DIP2C: variants seen among roughly 807,000 people sequenced by gnomAD.
DIP2C encodes disco-interacting protein 2 homolog C.
DIP2C carries 33 observed loss-of-function variants against 192.4 expected under a neutral mutation model. The ratio of observed to expected loss-of-function variants is 0.17; its 90% CI spans 0.13 to 0.23. The LOEUF (loss-of-function observed/expected upper bound fraction) is 0.23. Among genes scored for constraint, DIP2C ranks in the 10% least tolerant of loss-of-function variants. The pLI is 1.00. For missense variants in DIP2C, 1,537 were observed against 2,110.1 expected, an observed-to-expected ratio of 0.73 and a Z score of 5.32; for synonymous variants, 979 against 864.1, an observed-to-expected ratio of 1.13 and a Z score of -2.33.
chr10:611,836 A>G (rs1853119888), intron 1 of DIP2C, among the ~76,000 whole-genome samples: 1 of 152,166 alleles, frequency 6.6e-6, no homozygotes, highest in African/African-American at 2.4e-5. Context: ...AAATGCAAAT[A>G]TCCCCACGAC....
At chr10:655,515 T>C (rs1325854948) in intron 1 of DIP2C, among the ~76,000 whole-genome samples, 1 of 152,180 alleles carries the variant, frequency 6.6e-6, no homozygotes. Flanking sequence ...CACTGTCCTC[T>C]CTGTTCTGTG....
chr10:338,841 C>T (rs1036043351), intron 29 of DIP2C, among the ~76,000 whole-genome samples: 23 of 149,492 alleles, frequency 1.5e-4, no homozygotes, highest in Non-Finnish European at 2.1e-4. Context: ...GCACGCTGCA[C>T]GCTGCACCCT....
At chr10:585,246 A>G (rs1850946791) in intron 1 of DIP2C, among the ~76,000 whole-genome samples, 1 of 152,038 alleles carries the variant, frequency 6.6e-6, no homozygotes, top group African/African-American at 2.4e-5. Flanking sequence ...TCCCCATCCC[A>G]CGCCACCCTG....
At chr10:390,210 C>A (rs185265016) in intron 12 of DIP2C, 54 bp downstream of exon 12, 3 of 1,597,044 alleles carry the variant, frequency 1.9e-6, no homozygotes, top group African/African-American at 1.3e-5. Flanking sequence ...CAGAAACACA[C>A]GTTAGTGCCA....
At chr10:286,068 A>G (rs547511248) in intron 34 of DIP2C, among the ~76,000 whole-genome samples, 12 of 152,338 alleles carry the variant, frequency 7.9e-5, no homozygotes, top group Admixed American at 3.9e-4. Context: ...TTCCCTAAGG[A>G]AGTGCCATTT....
intron 1 of DIP2C, among the ~76,000 whole-genome samples, chr10:604,873 T>A (rs1163801870): frequency 6.6e-6 from 1 of 152,228 alleles, no homozygotes; most frequent in East Asian, 1.9e-4. Context: ...ATTTCCACTC[T>A]GACCTCGGCT....
chr10:552,552 A>G (rs1489803806), intron 1 of DIP2C, among the ~76,000 whole-genome samples: 1 of 152,254 alleles, frequency 6.6e-6, no homozygotes, highest in East Asian at 1.9e-4. Flanking sequence ...GTAGCTTTCA[A>G]AAAGTGACAA....
chr10:606,061 A>G lies in DIP2C; in HGVS notation c.85+83433T>C, dbSNP rs955883629. Among the ~76,000 whole-genome samples, 5 of 151,964 alleles carry G rather than the reference A, an allele frequency of 3.3e-5. No homozygotes were observed. The South Asian group carries it at 1.0e-3, about 32-fold the overall frequency. On this transcript the variant is annotated intron_variant, in intron 1 of 36. Coordinates refer to ENST00000280886, the MANE Select transcript of DIP2C (RefSeq NM_014974.3). ...GACTGTGCAAGTCTTCCTGGCGAGA[A>G]CCCCCGGAGCCTGCGCAGCGTGGAG... is the stretch of plus-strand genomic sequence containing the variant.
chr10:623,377 C>A (rs1853992316), intron 1 of DIP2C, among the ~76,000 whole-genome samples: 2 of 151,366 alleles, frequency 1.3e-5, no homozygotes, highest in Middle Eastern at 3.4e-3. Flanking sequence ...GGAATGGGCA[C>A]AGGCGTCTCC....
At chr10:454,355 A>T (rs1969106437) in intron 3 of DIP2C, among the ~76,000 whole-genome samples, 1 of 152,178 alleles carries the variant, frequency 6.6e-6, no homozygotes. Context: ...TAAAGTACTA[A>T]AAAGGGATAA....
At chr10:437,114 T>G (rs1967314684) in intron 4 of DIP2C, among the ~76,000 whole-genome samples, 1 of 118,136 alleles carries the variant, frequency 8.5e-6, no homozygotes, top group Admixed American at 8.7e-5. Context: ...CATGGTAGGG[T>G]GATATGCTCC....
intron 1 of DIP2C, among the ~76,000 whole-genome samples, chr10:590,697 TTTACA>T (rs1851349580): frequency 6.6e-6 from 1 of 152,198 alleles, no homozygotes; most frequent in Admixed American, 6.5e-5. Context: ...GGGTTTTTAC[TTTACA>T]TATCTTCACT....
Position 305,440 on chromosome 10 carries a change from T to C in DIP2C, c.3986+4591A>G, listed in dbSNP as rs1589434783. ...TTCTGCTGCTAAGTCTCAAGTTTAC[T>C]GATGTACTTCTATTCTGTGGCCCCT... On this transcript the variant is annotated intron_variant, in intron 32 of 36. Transcript: ENST00000280886. Among the ~76,000 whole-genome samples the C allele has an allele frequency of 2.0e-5, 3 of 152,300 alleles. No homozygotes were observed. In the East Asian group the frequency reaches 5.8e-4, roughly 29 times the overall value.
chr10:511,119 G>C (rs1050939034), intron 1 of DIP2C, among the ~76,000 whole-genome samples: 1 of 152,210 alleles, frequency 6.6e-6, no homozygotes, highest in Non-Finnish European at 1.5e-5. Context: ...GGTGTTTCTG[G>C]AACAAAAGCC....
chr10:376,899 G>GAT (rs1403727945), intron 17 of DIP2C, among the ~76,000 whole-genome samples: 1 of 152,176 alleles, frequency 6.6e-6, no homozygotes, highest in Non-Finnish European at 1.5e-5. Flanking sequence ...TACCTTTTTC[G>GAT]ATGTTTAGCG....
chr10:586,067 G>A (rs929912803), intron 1 of DIP2C, among the ~76,000 whole-genome samples: 5 of 152,158 alleles, frequency 3.3e-5, no homozygotes, highest in Non-Finnish European at 7.3e-5. Context: ...AGGGCAGGTG[G>A]AGTTCCTGAG....
intron 17 of DIP2C, among the ~76,000 whole-genome samples, chr10:376,247 C>T (rs550264742): frequency 5.3e-5 from 8 of 151,248 alleles, no homozygotes; most frequent in African/African-American, 2.0e-4. Context: ...AGGCCGACCT[C>T]GGCCCCCGAC....
intron 1 of DIP2C, among the ~76,000 whole-genome samples, chr10:558,604 C>CG (rs543184188): frequency 2.0e-4 from 30 of 152,182 alleles, no homozygotes; most frequent in Admixed American, 1.2e-3. Context: ...CATCGCGTCT[C>CG]GGGGAAAGGC....
chr10:681,304 C>T (rs1235279582), intron 1 of DIP2C, among the ~76,000 whole-genome samples: 2 of 151,568 alleles, frequency 1.3e-5, no homozygotes, highest in Admixed American at 1.3e-4. Flanking sequence ...GAACACAGAC[C>T]CTCAGTCACA....
Sources: allele counts gnomAD v4.1 joint callset (sites outside exome capture counted in the v4.1 genomes callset), GRCh38; gene constraint gnomAD v4.1.1; transcripts MANE v1.5; gene names NCBI Gene and HGNC (gene_info 2026-07-23, HGNC 2026-07-21).